The following VAV2 variants were observed in gnomAD, a reference collection of about 807,000 sequenced individuals.
VAV2 encodes the protein guanine nucleotide exchange factor VAV2.
In VAV2, 67 loss-of-function variants were observed where a neutral mutation model predicts 132.5. That is an observed-to-expected ratio of 0.51 (90% CI 0.42 to 0.62). The LOEUF (loss-of-function observed/expected upper bound fraction) is 0.62. Ranked by LOEUF, VAV2 falls within the 20% of genes least tolerant of loss-of-function variation. The probability of loss-of-function intolerance (pLI) is 0.00; values close to 1 mark genes in which losing one functional copy is unlikely to be tolerated. For synonymous variants in VAV2, 492 were observed against 443.5 expected, an observed-to-expected ratio of 1.11 and a Z score of -1.37; for missense variants, 938 against 1,153.6, an observed-to-expected ratio of 0.81 and a Z score of 2.71.
intron 2 of VAV2, among the ~76,000 whole-genome samples, chr9:133,894,633 T>C (rs2810468): frequency 0.73 from 111,226 of 152,036 alleles, 43,011 homozygotes; most frequent in Middle Eastern, 0.9. Flanking sequence ...GGGCCAGCCC[T>C]TTCCCCACCG....
intron 3 of VAV2, among the ~76,000 whole-genome samples, chr9:133,849,752 C>T (rs1837094040): frequency 6.6e-6 from 1 of 152,142 alleles, no homozygotes; most frequent in Non-Finnish European, 1.5e-5. Context: ...ATGGCTACAT[C>T]ATTCTAACCT....
intron 2 of VAV2, among the ~76,000 whole-genome samples, chr9:133,877,801 G>A (rs1838321555): frequency 2.0e-5 from 3 of 152,202 alleles, no homozygotes; most frequent in African/African-American, 7.2e-5. Context: ...TTAATGGGAA[G>A]GGGACTAATA....
At position 133,769,461 on chromosome 9, in the gene VAV2, C is replaced by T; in HGVS notation, c.2390G>A (p.Gly797Asp). 6.2e-7 allele frequency: 1 copy of T among 1,613,178 alleles called. No individual in the cohort carries two copies. Among genetic ancestry groups the T allele is most frequent in the Non-Finnish European group, 8.5e-7 (1 of 1,179,566 alleles). The change falls in exon 28 of 30, where the codon GGC (glycine) becomes GAC (aspartate). Residue 797 changes from glycine to aspartate, a missense_variant. Gly to Asp is a moderately conservative substitution (Grantham distance 94). Coordinates refer to ENST00000371850, the MANE Select transcript of VAV2 (RefSeq NM_001134398.2). The surrounding 1 kb of genome is among the most constrained non-coding windows in gnomAD (Gnocchi z 8.1). The stretch of plus-strand genomic sequence containing the variant: ...GGGGCCCTGAGAAGCAAAGCTGAGG[C>T]CCTGAGGACTGAGAAAAGAAAAGTT... The part of the protein sequence containing the change: ...SYNFSFLSPQ[G>D]LSFASQGPSA...
intron 22 of VAV2, among the ~76,000 whole-genome samples, chr9:133,778,499 G>A (rs962230460): frequency 5.3e-5 from 8 of 152,170 alleles, no homozygotes; most frequent in African/African-American, 1.4e-4. Context: ...GGCCTCTCCT[G>A]GGAAGGGACG....
intron 4 of VAV2, among the ~76,000 whole-genome samples, chr9:133,825,934 T>C (rs1398589542): frequency 1.3e-5 from 2 of 152,228 alleles, no homozygotes; most frequent in African/African-American, 4.8e-5. Flanking sequence ...ATCCCAATGA[T>C]GCTAACATGA....
rs186875784 is a variant in VAV2, at chr9:133,966,358, G to A, written c.204+25717C>T. 7.2e-5 allele frequency among the ~76,000 whole-genome samples: 11 copies of A among 152,314 alleles called. No homozygotes were observed. In the South Asian group the frequency reaches 1.9e-3, roughly 26 times the overall value. ...AGTGAAGAGAAAACCTACAGGATAG[G>A]GGAACAAATCTGCAAACTATTCATC... On this transcript the variant is annotated intron_variant, in intron 1 of 29. Transcript: ENST00000371850.
chr9:133,952,129 C>A (rs547850528), intron 1 of VAV2, among the ~76,000 whole-genome samples: 95 of 152,216 alleles, frequency 6.2e-4, no homozygotes, highest in Non-Finnish European at 9.6e-4. Flanking sequence ...CTCCTAATAA[C>A]GTCACATTTT....
intron 1 of VAV2, among the ~76,000 whole-genome samples, chr9:133,971,748 A>C (rs189338254): frequency 3.7e-4 from 57 of 152,252 alleles, no homozygotes; most frequent in African/African-American, 1.3e-3. Context: ...CCCAGCTGTC[A>C]ACAAAACCCA....
At chr9:133,941,729 G>A (rs2519105) in intron 1 of VAV2, among the ~76,000 whole-genome samples, 52,020 of 151,352 alleles carry the variant, frequency 0.34, 9,473 homozygotes, top group Non-Finnish European at 0.4. Context: ...TGAGCCTCCC[G>A]AGTAGCTGGG....
Position 133,823,117 on chromosome 9 carries a change from G to A in VAV2, c.450-10901C>T, listed in dbSNP as rs879722123. ...CAGTATGGGAATCGTGAATGCTCTCGGGACCTCATTATCCCCAGCCCTTCC... is the reference window on the plus strand; with the variant it reads ...CAGTATGGGAATCGTGAATGCTCTCAGGACCTCATTATCCCCAGCCCTTCC... On this transcript the variant is annotated intron_variant, in intron 4 of 29. Coordinates refer to ENST00000371850, the MANE Select transcript of VAV2 (RefSeq NM_001134398.2). The surrounding 1 kb of genome is among the most constrained non-coding windows in gnomAD (Gnocchi z 5.5). Among the ~76,000 whole-genome samples, 7 of 152,184 alleles carry A rather than the reference G, an allele frequency of 4.6e-5. No homozygotes were observed. Among genetic ancestry groups the A allele is most frequent in the Non-Finnish European group, 8.8e-5 (6 of 68,042 alleles).
intron 12 of VAV2, among the ~76,000 whole-genome samples, chr9:133,792,817 C>A (rs1162243586): frequency 6.6e-6 from 1 of 151,620 alleles, no homozygotes; most frequent in Non-Finnish European, 1.5e-5. Context: ...GAAACTGAGG[C>A]AGGAAAGGGA....
intron 1 of VAV2, among the ~76,000 whole-genome samples, chr9:133,966,581 C>T (rs1429866013): frequency 1.3e-5 from 2 of 152,196 alleles, no homozygotes. Context: ...TGGCACGCAC[C>T]TATTGTCCCA....
chr9:133,819,725 G>C (rs7046253), intron 4 of VAV2, among the ~76,000 whole-genome samples: 30,020 of 151,820 alleles, frequency 0.2, 3,550 homozygotes, highest in African/African-American at 0.33. Flanking sequence ...CTTTTCATTC[G>C]TCCAAAGCGC....
At chr9:133,900,991 G>C (rs1361398494) in intron 2 of VAV2, among the ~76,000 whole-genome samples, 7 of 151,596 alleles carry the variant, frequency 4.6e-5, no homozygotes, top group Non-Finnish European at 1.0e-4. Context: ...GTAGAGACGG[G>C]GTTTCACCGT....
chr9:133,954,498 T>A (rs912701563), intron 1 of VAV2, among the ~76,000 whole-genome samples: 2 of 152,264 alleles, frequency 1.3e-5, no homozygotes, highest in African/African-American at 4.8e-5. Context: ...GCAGTGAATC[T>A]GAGTGAAATC....
At position 133,805,967 on chromosome 9, in the gene VAV2, C is replaced by A; in HGVS notation, c.836+114G>T. ...AAGGGAGGACGGGGTCCAGAGGGGGCGGCCCCTGCCTCGGGACACCCCAAG... is the reference window on the plus strand; with the variant it reads ...AAGGGAGGACGGGGTCCAGAGGGGGAGGCCCCTGCCTCGGGACACCCCAAG... On this transcript the variant is annotated intron_variant, in intron 9 of 29. Coordinates refer to ENST00000371850, the MANE Select transcript of VAV2 (RefSeq NM_001134398.2). The A allele has an allele frequency of 1.1e-5, 12 of 1,132,454 alleles. No homozygotes were observed. The South Asian group carries it at 1.5e-4, about 14-fold the overall frequency. The allele number at this position is 1,132,454 out of a possible 1,614,324, so 70.2% of individuals were successfully genotyped here.
intron 4 of VAV2, among the ~76,000 whole-genome samples, chr9:133,825,840 C>T (rs896299960): frequency 6.6e-6 from 1 of 152,200 alleles, no homozygotes; most frequent in Non-Finnish European, 1.5e-5. Context: ...AGGCAGCTCC[C>T]ACTCACTCCC....
chr9:133,989,727 A>AG (rs1169765903), intron 1 of VAV2, among the ~76,000 whole-genome samples: 5 of 152,232 alleles, frequency 3.3e-5, no homozygotes, highest in Admixed American at 2.0e-4. Context: ...AACAAACACC[A>AG]GCCACACAGA....
At chr9:133,821,956 C>T (rs901126531) in intron 4 of VAV2, among the ~76,000 whole-genome samples, 1 of 152,214 alleles carries the variant, frequency 6.6e-6, no homozygotes, top group Non-Finnish European at 1.5e-5. Context: ...TGCTAAATCC[C>T]GACCATTATT....
Sources: allele counts gnomAD v4.1 joint callset (sites outside exome capture counted in the v4.1 genomes callset), GRCh38; gene constraint gnomAD v4.1.1; non-coding constraint Gnocchi (gnomAD v3.1); transcripts MANE v1.5; gene names NCBI Gene and HGNC (gene_info 2026-07-23, HGNC 2026-07-21).